IDH3G: variants seen among roughly 807,000 people sequenced by gnomAD.
The protein encoded by IDH3G is isocitrate dehydrogenase [NAD] subunit gamma, mitochondrial.
In IDH3G, 9 loss-of-function variants were observed where a neutral mutation model predicts 26.9. The observed-to-expected ratio is 0.34, with a 90% CI of 0.20 to 0.58. The LOEUF is 0.58. IDH3G is among the 20% of genes least tolerant of loss of function. The pLI is 0.85. For synonymous variants in IDH3G, 181 were observed against 160.0 expected (o/e 1.13, Z -0.99); for missense variants, 250 against 372.8 (o/e 0.67, Z 2.71).
intron 5 of IDH3G, among the ~76,000 whole-genome samples, chrX:153,789,417 G>A (rs1395202484): frequency 8.9e-6 from 1 of 112,337 alleles, no homozygotes; most frequent in Non-Finnish European, 1.9e-5. Flanking sequence ...GGTGGCGGGC[G>A]CCTGTAATCT....
At position 153,786,286 on chromosome X, in the gene IDH3G, C is replaced by T. The variant is rs782649638; in HGVS notation, c.1020-14G>A. 8.3e-7 allele frequency: 1 copy of T among 1,203,995 alleles called. No individual in the cohort carries two copies. Among genetic ancestry groups the T allele is most frequent in the South Asian group, 1.8e-5 (1 of 55,967 alleles). On this transcript the variant is annotated splice_polypyrimidine_tract_variant and intron_variant, in intron 11 of 12. Transcript: ENST00000217901. ...TAGGAGTGCAGCCTAGAGGATGGGA[C>T]AGCCAGCCTTCAGTCCCTGGGGCCC...
intron 1 of IDH3G, 163 bp from the exon 2 acceptor site, chrX:153,791,014 C>T (rs1434345042): frequency 1.1e-5 from 5 of 446,025 alleles, no homozygotes; most frequent in African/African-American, 7.4e-5. Context: ...AGCCTCAGTC[C>T]CCAGGGCCGG....
chrX:153,786,691 A>T (rs1370074790), intron 10 of IDH3G, 110 bp downstream of exon 10: 1 of 937,058 alleles, frequency 1.1e-6, no homozygotes, highest in African/African-American at 1.9e-5. Context: ...TATCCAAAAA[A>T]CTACTAAATC....
intron 1 of IDH3G, 96 bp downstream of exon 1, chrX:153,794,150 C>A: frequency 1.0e-6 from 1 of 973,545 alleles, no homozygotes; most frequent in South Asian, 2.4e-5. Context: ...CCTGGTGGGG[C>A]CCCTAGCCAA....
At chrX:153,788,788 CT>C (rs1371538436) in intron 5 of IDH3G, among the ~76,000 whole-genome samples, 10 of 112,875 alleles carry the variant, frequency 8.9e-5, no homozygotes, top group African/African-American at 3.2e-4. Context: ...GGGGCTCCCC[CT>C]GGGTTCATCT....
chrX:153,786,469 G>C lies in IDH3G; in HGVS notation c.925-20C>G. ...CGTAGCCTGGGGAGGCAAGACGAAG[G>C]AGAGTGGGTGGAGGGCAGAAGGATG... On this transcript the variant is annotated intron_variant, in intron 10 of 12. Transcript: ENST00000217901. The C allele has an allele frequency of 9.0e-7, 1 of 1,108,084 alleles. No individual in the cohort carries two copies. The highest frequency in any genetic ancestry group is 1.2e-6 in the Non-Finnish European group (1 of 817,316). The allele number at this position is 1,108,084 out of a possible 1,213,427, so 91.3% of individuals were successfully genotyped here. A position where few individuals can be genotyped will look rare whatever the true frequency, so the allele number is the denominator to read the frequency against.
chrX:153,789,570 AAAGCAAAAAAGCAAGC>A, intron 5 of IDH3G, 126 bp downstream of exon 5: 1 of 468,090 alleles, frequency 2.1e-6, no homozygotes, highest in Non-Finnish European at 3.8e-6. Context: ...AGAAAGCAAG[AAAGCAAAAAAGCAAGC>A]AAGCAAGAAA....
chrX:153,786,777 C>T (rs782471980), intron 10 of IDH3G, 24 bp downstream of exon 10: 19 of 1,193,572 alleles, frequency 1.6e-5, no homozygotes, highest in South Asian at 3.6e-5. Flanking sequence ...GGCGGCAAGC[C>T]GCGGCACTGC....
At chrX:153,794,012 C>G (rs782228287) in intron 1 of IDH3G, 908 of 358,236 alleles carry the variant, frequency 2.5e-3, no homozygotes, top group Middle Eastern at 7.0e-3. Context: ...TCTCCCGGCC[C>G]GTCCGGAGGG....
rs2092093280 is a variant in IDH3G at position 153,787,464 on chromosome X, A to G, written c.674T>C (p.Met225Thr). ...CTCGCAGAGAGGTCAGGGGACATAC[A>G]TGATGTTGGCCTTGTGCACGGCCGT... ...KVTAVHKANIMKLGDGLFLQC... is the reference protein window; with the variant it reads ...KVTAVHKANITKLGDGLFLQC... Residue 225 changes from methionine (M) to threonine (T), a missense_variant and splice_region_variant, in exon 8 of 13, where the codon ATG (methionine) becomes ACG (threonine). Physicochemically the swap from Met to Thr is moderately conservative, Grantham distance 81 (BLOSUM62 -1). Around this residue, in one of 2 missense-constraint regions of IDH3G, gnomAD observed 201 missense variants for 331.3 expected, o/e 0.61. Transcript: ENST00000217901. 1 of 1,210,957 alleles carries G rather than the reference A, an allele frequency of 8.3e-7. No individual in the cohort carries two copies. Among genetic ancestry groups the G allele is most frequent in the Non-Finnish European group, 1.1e-6 (1 of 895,151 alleles).
At position 153,789,778 on chromosome X, in the gene IDH3G, T is replaced by C. The variant is rs1461797532; in HGVS notation, c.280A>G (p.Asn94Asp). Residue 94 changes from asparagine (N) to aspartate (D), a missense_variant, in exon 5 of 13, where the codon AAT becomes GAT. Asn to Asp is a conservative substitution (Grantham distance 23). Coordinates refer to ENST00000217901, the MANE Select transcript of IDH3G (RefSeq NM_004135.4). Reference sequence around the variant, plus strand: ...TTGCGAATGTCCTCTTCATCAGCATTGGAACTCACGTGCACCTCTTCAAAG... The same window carrying C: ...TTGCGAATGTCCTCTTCATCAGCATCGGAACTCACGTGCACCTCTTCAAAG... ...VDFEEVHVSSNADEEDIRNAI... is the reference protein window; with the variant it reads ...VDFEEVHVSSDADEEDIRNAI... The C allele has an allele frequency of 4.1e-6, 5 of 1,205,725 alleles. No individual in the cohort carries two copies. In the African/African-American group the frequency reaches 8.7e-5, roughly 21 times the overall value.
At chrX:153,792,914 C>T (rs782079472) in intron 1 of IDH3G, among the ~76,000 whole-genome samples, 17 of 112,446 alleles carry the variant, frequency 1.5e-4, no homozygotes, top group Non-Finnish European at 2.8e-4. Flanking sequence ...TTTCATGGTT[C>T]CATGGAAAGA....
chrX:153,788,736 T>C (rs1273101176), intron 5 of IDH3G, among the ~76,000 whole-genome samples: 1 of 113,189 alleles, frequency 8.8e-6, no homozygotes, highest in Non-Finnish European at 1.9e-5. Context: ...GGGGGTCCCC[T>C]GTGGCTGGCA....
In IDH3G at chrX:153,788,264, G is replaced by C; in HGVS notation, c.347-129C>G. 4.6e-6 allele frequency: 3 copies of C among 651,366 alleles called. No homozygotes were observed. The South Asian group carries it at 7.1e-5, about 15-fold the overall frequency. The allele number at this position is 651,366 out of a possible 1,213,427, so 53.7% of individuals were successfully genotyped here. A position where few individuals can be genotyped will look rare whatever the true frequency, so the allele number is the denominator to read the frequency against. ...TTCCTGAACACTAGAATGCTAGAAT[G>C]CAACTTCCAGCCTAAGCCCCACGAG... On this transcript the variant is annotated intron_variant, in intron 5 of 12. Transcript: ENST00000217901.
intron 10 of IDH3G, 131 bp downstream of exon 10, chrX:153,786,670 A>C: frequency 1.2e-6 from 1 of 801,458 alleles, no homozygotes; most frequent in Admixed American, 2.8e-5. Context: ...TGACGGCAGT[A>C]CAACCCTGGA....
rs782208582 is a variant in IDH3G, at chrX:153,788,128, G to A, written c.354C>T (p.Ile118=). Residue 118 remains isoleucine, a synonymous_variant, in exon 6 of 13, where the codon ATC becomes ATT. Transcript: ENST00000217901. ...RRNRVALKGN[I]ETNHNLPPSH... is the part of the protein sequence containing the mutation. The stretch of plus-strand genomic sequence containing the variant: ...ACGGTGGCAGGTTATGGTTGGTTTC[G>A]ATGTTGCCTACAAAACACAACACAG... 9 of 1,211,774 alleles carry A rather than the reference G, an allele frequency of 7.4e-6. No homozygotes were observed. In the East Asian group the frequency reaches 1.2e-4, roughly 16 times the overall value.
At position 153,790,571 on chromosome X, in the gene IDH3G, T is replaced by C. The variant is rs781972713; in HGVS notation, c.128A>G (p.Gln43Arg). ...EVPSRNIFSE[Q>R]TIPPSAKYGG... ...GCAGAGAAGAATACTCACAATTGTT[T>C]GTTCCTAGAAAGGATGAGAAAGGAA... Residue 43 changes from glutamine to arginine, a missense_variant, in exon 3 of 13, where the codon CAA (glutamine) becomes CGA (arginine). By Grantham distance (43) the Gln-to-Arg change is conservative. Coordinates refer to ENST00000217901, the MANE Select transcript of IDH3G (RefSeq NM_004135.4). 8.3e-7 allele frequency: 1 copy of C among 1,209,217 alleles called. No individual in the cohort carries two copies. Among genetic ancestry groups the C allele is most frequent in the South Asian group, 1.8e-5 (1 of 56,772 alleles).
Position 153,790,252 on chromosome X carries a change from A to G in IDH3G, c.176T>C (p.Met59Thr), listed in dbSNP as rs1557070151. The stretch of plus-strand genomic sequence containing the variant: ...TGGCCCGATGCCATCCCCTGGGATC[A>G]TGGTCACCGTGTGCCGCCCGCCATA... Reference protein sequence around the residue: ...AKYGGRHTVTMIPGDGIGPEL... With the variant: ...AKYGGRHTVTTIPGDGIGPEL... The change falls in exon 4 of 13, where the codon ATG (methionine) becomes ACG (threonine). Residue 59 changes from methionine to threonine, a missense_variant. Met to Thr is a moderately conservative substitution (Grantham distance 81). This residue lies in a region of IDH3G where 201 missense variants were observed against 331.3 expected (regional missense o/e 0.61). Coordinates refer to ENST00000217901, the MANE Select transcript of IDH3G (RefSeq NM_004135.4). 3.3e-6 allele frequency: 4 copies of G among 1,210,308 alleles called. 1 individual carries two copies. Among genetic ancestry groups the G allele is most frequent in the South Asian group, 3.5e-5 (2 of 56,910 alleles).
chrX:153,793,197 A>G (rs962273142), intron 1 of IDH3G, among the ~76,000 whole-genome samples: 21 of 111,202 alleles, frequency 1.9e-4, no homozygotes, highest in African/African-American at 6.9e-4. Flanking sequence ...GGAGGCACAC[A>G]TGTCTTCACC....
Sources: allele counts gnomAD v4.1 joint callset (sites outside exome capture counted in the v4.1 genomes callset), GRCh38; gene constraint gnomAD v4.1.1; regional missense constraint gnomAD v4.1.1; transcripts MANE v1.5; gene names NCBI Gene and HGNC (gene_info 2026-07-23, HGNC 2026-07-21).